The following KIAA1671 variants were observed in gnomAD, a reference collection of about 807,000 sequenced individuals.
KIAA1671 encodes uncharacterized protein KIAA1671.
Under a neutral mutation model 131.2 loss-of-function variants are expected in KIAA1671, and 52 were observed. The observed-to-expected ratio is 0.40, with a 90% CI of 0.32 to 0.50. The LOEUF (loss-of-function observed/expected upper bound fraction) is 0.50, where lower values mean the gene tolerates loss of function less well. Ranked by LOEUF, KIAA1671 falls within the 20% of genes least tolerant of loss-of-function variation. The probability of loss-of-function intolerance (pLI) is 0.73; values close to 1 mark genes in which losing one functional copy is unlikely to be tolerated. For missense variants in KIAA1671, 2,360 were observed against 2,364.2 expected, an observed-to-expected ratio of 1.00 and a Z score of 0.04; for synonymous variants, 1,003 against 961.6, an observed-to-expected ratio of 1.04 and a Z score of -0.80.
chr22:25,185,180 A>G (rs1934433198), intron 11 of KIAA1671, 61 bp downstream of exon 11: 1 of 1,455,216 alleles, frequency 6.9e-7, no homozygotes, highest in Admixed American at 2.6e-5. Context: ...ACTTCTAGAG[A>G]GGTGCTCGCA....
intron 6 of KIAA1671, among the ~76,000 whole-genome samples, chr22:25,155,926 A>T (rs755277236): frequency 1.4e-5 from 2 of 139,430 alleles, no homozygotes; most frequent in Non-Finnish European, 3.1e-5. Context: ...GTGTATATAT[A>T]TTTATATAAA....
intron 6 of KIAA1671, among the ~76,000 whole-genome samples, chr22:25,083,513 T>C (rs980887784): frequency 5.3e-5 from 8 of 152,192 alleles, no homozygotes; most frequent in African/African-American, 1.9e-4. Context: ...ACAACAGTCT[T>C]AGAAGGGAGG....
intron 6 of KIAA1671, among the ~76,000 whole-genome samples, chr22:25,163,331 ATTTTTTTTTTTTTTTTTTT>A (rs132895): frequency 1.4e-4 from 8 of 55,556 alleles, no homozygotes; most frequent in Admixed American, 5.9e-4. Flanking sequence ...ATTGCCTCAA[ATTTTTTTTTTTTTTTTTTT>A]TTTTTTTTTT....
In KIAA1671 at chr22:24,981,088, GTT is replaced by G. The variant is rs555493516; in HGVS notation, c.-208+28320_-208+28321del. 8.6e-3 allele frequency among the ~76,000 whole-genome samples: 1,287 copies of G among 149,092 alleles called. 19 individuals are homozygous for G. The highest frequency in any genetic ancestry group is 0.03 in the African/African-American group (1,197 of 40,160). On this transcript the variant is annotated intron_variant, in intron 1 of 12. Transcript: ENST00000358431. ...TGTGTGTGTGTGTGTGTGTGTGTGT[GTT>G]TTTACTGTATCTATTCTTATGGGTG... is the stretch of plus-strand genomic sequence containing the variant.
At chr22:25,151,022 G>C (rs889138429) in intron 6 of KIAA1671, among the ~76,000 whole-genome samples, 1 of 151,862 alleles carries the variant, frequency 6.6e-6, no homozygotes, top group Admixed American at 6.6e-5. Context: ...TTTTAGTAGA[G>C]ACGGGGTTTC....
intron 1 of KIAA1671, among the ~76,000 whole-genome samples, chr22:25,003,505 G>A (rs1046391277): frequency 2.7e-5 from 4 of 149,640 alleles, no homozygotes. Context: ...TCCACCTCCG[G>A]GGTTCACGCC....
At chr22:25,132,274 A>C (rs2145946345) in intron 6 of KIAA1671, among the ~76,000 whole-genome samples, 1 of 152,298 alleles carries the variant, frequency 6.6e-6, no homozygotes, top group African/African-American at 2.4e-5. Context: ...GCAAGTACCC[A>C]GGCCCCACCT....
chr22:25,093,729 A>ATTT lies in KIAA1671; in HGVS notation c.4530+44365_4530+44366insTTT, dbSNP rs1930152929. ...CACACACACACACACACACACACAC[A>ATTT]CACACACACTCTCTCTCTCTCTCTC... is the stretch of plus-strand genomic sequence containing the variant. On this transcript the variant is annotated intron_variant, in intron 6 of 12. Coordinates refer to ENST00000358431, the MANE Select transcript of KIAA1671 (RefSeq NM_001145206.2). Among the ~76,000 whole-genome samples the ATTT allele has an allele frequency of 2.3e-4, 12 of 51,270 alleles. 2 individuals carry two copies. Among genetic ancestry groups the ATTT allele is most frequent in the African/African-American group, 1.9e-3 (11 of 5,942 alleles). 33.6% of individuals were successfully genotyped at this position (51,270 alleles called of 152,430 possible). A position where few individuals can be genotyped will look rare whatever the true frequency, so the allele number is the denominator to read the frequency against.
rs571936378 is a variant in KIAA1671, at chr22:24,995,024, C to T, written c.-207-30609C>T. Among the ~76,000 whole-genome samples the T allele has an allele frequency of 2.2e-4, 33 of 151,072 alleles. 1 individual carries two copies. The South Asian group carries it at 7.0e-3, about 32-fold the overall frequency. ...GCCTAACTCCAGGCTCCTGCCTCAT[C>T]CCGTCTCTGTTTGTATGTTAGGTTT... On this transcript the variant is annotated intron_variant, in intron 1 of 12. Transcript: ENST00000358431.
chr22:25,167,102 T>TCCCA (rs2146005495), intron 6 of KIAA1671, among the ~76,000 whole-genome samples: 1 of 152,332 alleles, frequency 6.6e-6, no homozygotes, highest in Non-Finnish European at 1.5e-5. Flanking sequence ...TAGCCCTGCG[T>TCCCA]CCCAGGGAGA....
chr22:24,979,346 A>ATTTTTTTTTTTTT (rs199628002), intron 1 of KIAA1671, among the ~76,000 whole-genome samples: 1 of 130,622 alleles, frequency 7.7e-6, no homozygotes, highest in African/African-American at 3.1e-5. Flanking sequence ...TTATTTATTT[A>ATTTTTTTTTTTTT]TTTATTTATT....
chr22:25,043,135 G>A (rs936291842), intron 5 of KIAA1671, among the ~76,000 whole-genome samples: 1 of 150,682 alleles, frequency 6.6e-6, no homozygotes, highest in Non-Finnish European at 1.5e-5. Context: ...AGGAGGAAGG[G>A]ATCACTTTAA....
intron 6 of KIAA1671, among the ~76,000 whole-genome samples, chr22:25,111,518 A>G (rs1005323769): frequency 1.3e-5 from 2 of 152,216 alleles, no homozygotes; most frequent in African/African-American, 4.8e-5. Context: ...CAGCCAGGGG[A>G]CCCGGGGGCC....
At chr22:25,056,221 TA>T (rs1401022950) in intron 6 of KIAA1671, 4 of 149,218 alleles carry the variant, frequency 2.7e-5, no homozygotes, top group East Asian at 2.0e-4. Context: ...TATTTGCAAA[TA>T]TTTTTTTCCC....
intron 6 of KIAA1671, chr22:25,064,419 C>T (rs1928355528): frequency 6.6e-6 from 1 of 152,204 alleles, no homozygotes; most frequent in East Asian, 1.9e-4. Context: ...CGTAGTACCT[C>T]ATTCATGCCT....
chr22:25,012,555 A>T (rs1240853387), intron 1 of KIAA1671: 1 of 152,126 alleles, frequency 6.6e-6, no homozygotes, highest in Non-Finnish European at 1.5e-5. Context: ...TTACAGGTGT[A>T]AGCCACCATG....
At chr22:24,988,319 C>T (rs1336314066) in intron 1 of KIAA1671, among the ~76,000 whole-genome samples, 1 of 151,728 alleles carries the variant, frequency 6.6e-6, no homozygotes, top group East Asian at 1.9e-4. Flanking sequence ...GGATCTCAGC[C>T]CCCCAAACTG....
rs74673904 is a variant in KIAA1671, at chr22:24,972,221, C to T, written c.-208+19449C>T. On this transcript the variant is annotated intron_variant, in intron 1 of 12. Coordinates refer to ENST00000358431, the MANE Select transcript of KIAA1671 (RefSeq NM_001145206.2). ...CAACAACTAAAATATTGATCATAAA[C>T]ATGGTTAATGGTTATTGAGCACTTG... is the stretch of plus-strand genomic sequence containing the variant. 9.0e-3 allele frequency among the ~76,000 whole-genome samples: 1,367 copies of T among 152,274 alleles called. 16 individuals are homozygous for T. The highest frequency in any genetic ancestry group is 0.014 in the South Asian group (67 of 4,814).
At chr22:25,190,917 G>A in intron 12 of KIAA1671, 133 bp downstream of exon 12, 2 of 643,832 alleles carry the variant, frequency 3.1e-6, no homozygotes, top group South Asian at 3.6e-5. Flanking sequence ...GAAGAATGAG[G>A]GGTGGGGGGT....
Sources: allele counts gnomAD v4.1 joint callset (sites outside exome capture counted in the v4.1 genomes callset), GRCh38; gene constraint gnomAD v4.1.1; transcripts MANE v1.5; gene names NCBI Gene and HGNC (gene_info 2026-07-23, HGNC 2026-07-21).